ELAPOR2: variants seen among roughly 807,000 people sequenced by gnomAD.
The protein encoded by ELAPOR2 is endosome/lysosome-associated apoptosis and autophagy regulator family member 2.
In ELAPOR2, 89 loss-of-function variants were observed where a neutral mutation model predicts 120.7. That is an observed-to-expected ratio of 0.74 (90% CI 0.62 to 0.88). The LOEUF is 0.88. Among genes scored for constraint, ELAPOR2 ranks in the 40% least tolerant of loss-of-function variants. The pLI is 0.00. For synonymous variants in ELAPOR2, 444 were observed against 444.9 expected, an observed-to-expected ratio of 1.00 and a Z score of 0.03; for missense variants, 1,134 against 1,251.6, an observed-to-expected ratio of 0.91 and a Z score of 1.42.
intron 1 of ELAPOR2, among the ~76,000 whole-genome samples, chr7:86,974,030 T>C (rs897045907): frequency 6.6e-6 from 1 of 151,996 alleles, no homozygotes; most frequent in Non-Finnish European, 1.5e-5. Flanking sequence ...CGTAACTGGG[T>C]AATAGTAATT....
rs371015486 is a variant in ELAPOR2, at chr7:86,926,854, A to G, written c.1152T>C (p.Ile384=). Residue 384 remains isoleucine (I), a synonymous_variant, in exon 9 of 22, where the codon ATT becomes ATC. Transcript: ENST00000450689. ...KICREDLTDA[I]RLPPSGEKKD... Reference sequence around the variant, plus strand: ...TCTTCTCTCCAGAAGGGGGCAATCTAATAGCATCTGTGAGATCCTCCCGGC... The same window carrying G: ...TCTTCTCTCCAGAAGGGGGCAATCTGATAGCATCTGTGAGATCCTCCCGGC... 2.1e-4 allele frequency: 338 copies of G among 1,608,714 alleles called. 1 individual carries two copies. The Admixed American group carries it at 5.6e-3, about 27-fold the overall frequency.
At chr7:86,891,147 G>C (rs753349477) in intron 21 of ELAPOR2, 11 of 151,844 alleles carry the variant, frequency 7.2e-5, no homozygotes, top group Non-Finnish European at 1.3e-4. Context: ...TATAACTTTT[G>C]TTTGCTCTAT....
At chr7:86,960,868 T>C (rs866958771) in intron 2 of ELAPOR2, among the ~76,000 whole-genome samples, 2 of 152,064 alleles carry the variant, frequency 1.3e-5, no homozygotes, top group African/African-American at 4.8e-5. Flanking sequence ...GTTATACCAA[T>C]AGATTTGAGA....
rs566000366 is a variant in ELAPOR2, at chr7:86,924,509, C to A, written c.1399+1019G>T. ...CTCAATTTAAAATTCAATTATAGGA[C>A]ATTTTAGGAAAAAAAAAACCTTCAG... is the stretch of plus-strand genomic sequence containing the variant. On this transcript the variant is annotated intron_variant, in intron 10 of 21. Transcript: ENST00000450689. Among the ~76,000 whole-genome samples the A allele has an allele frequency of 6.6e-4, 99 of 151,030 alleles. No individual in the cohort carries two copies. In the Middle Eastern group the frequency reaches 0.02, roughly 31 times the overall value.
chr7:86,939,980 T>C, intron 6 of ELAPOR2, 30 bp downstream of exon 6: 2 of 1,352,602 alleles, frequency 1.5e-6, no homozygotes, highest in African/African-American at 1.5e-5. Context: ...ATGTGACTGG[T>C]GACTACTAAA....
At chr7:86,941,403 G>A (rs1394692327) in intron 5 of ELAPOR2, 1 of 524,614 alleles carries the variant, frequency 1.9e-6, no homozygotes, top group East Asian at 5.5e-5. Flanking sequence ...GAAGCAGGCA[G>A]TTACTTTACT....
At chr7:86,946,517 C>T (rs554337336) in intron 3 of ELAPOR2, among the ~76,000 whole-genome samples, 2 of 152,166 alleles carry the variant, frequency 1.3e-5, no homozygotes, top group East Asian at 3.9e-4. Flanking sequence ...CTCCAGAGTA[C>T]CTGGGATTAC....
intron 1 of ELAPOR2, among the ~76,000 whole-genome samples, chr7:87,048,103 G>A (rs888765046): frequency 4.6e-5 from 7 of 152,122 alleles, no homozygotes; most frequent in African/African-American, 1.7e-4. Flanking sequence ...AATTAGCTGG[G>A]CATGGTGGTG....
intron 1 of ELAPOR2, among the ~76,000 whole-genome samples, chr7:87,035,386 CT>C (rs1314428551): frequency 6.6e-6 from 1 of 152,312 alleles, no homozygotes; most frequent in Admixed American, 6.5e-5. Flanking sequence ...ATTCTGCATC[CT>C]TTTGTCTACT....
At chr7:87,019,584 A>G (rs75274893) in intron 1 of ELAPOR2, among the ~76,000 whole-genome samples, 4,810 of 152,328 alleles carry the variant, frequency 0.032, 91 homozygotes, top group African/African-American at 0.038. Context: ...ATATAAATAG[A>G]AATTTTAAAA....
At chr7:86,976,899 A>C (rs1792301004) in intron 1 of ELAPOR2, among the ~76,000 whole-genome samples, 1 of 152,244 alleles carries the variant, frequency 6.6e-6, no homozygotes, top group Non-Finnish European at 1.5e-5. Context: ...ATCTATTACA[A>C]CCATCATGCA....
chr7:86,908,827 C>T (rs567716214), intron 16 of ELAPOR2, among the ~76,000 whole-genome samples: 5 of 152,132 alleles, frequency 3.3e-5, no homozygotes, highest in South Asian at 2.1e-4. Flanking sequence ...CGATAATCTA[C>T]GAAGTTCGTT....
chr7:86,973,114 T>G (rs1792159173), intron 1 of ELAPOR2, among the ~76,000 whole-genome samples: 1 of 152,198 alleles, frequency 6.6e-6, no homozygotes, highest in African/African-American at 2.4e-5. Context: ...TTGCTTCTGC[T>G]CTTGCCCACA....
chr7:86,978,316 C>A (rs2116540060), intron 1 of ELAPOR2, among the ~76,000 whole-genome samples: 1 of 152,236 alleles, frequency 6.6e-6, no homozygotes, highest in East Asian at 1.9e-4. Flanking sequence ...TATAAATTAC[C>A]CAGTCTCAGA....
chr7:87,042,591 T>C (rs1794821364), intron 1 of ELAPOR2, among the ~76,000 whole-genome samples: 1 of 151,762 alleles, frequency 6.6e-6, no homozygotes, highest in Non-Finnish European at 1.5e-5. Context: ...TACCAGAATC[T>C]CTGGGATGCA....
Position 86,942,124 on chromosome 7 carries a change from G to A in ELAPOR2, c.655-20C>T, listed in dbSNP as rs1465450932. On this transcript the variant is annotated intron_variant, in intron 4 of 21. Transcript: ENST00000450689. ...TTGAATCTGTGGATTAAACACAAGA[G>A]CCCTAGTAAAGTGTCTTGAATAACA... is the stretch of plus-strand genomic sequence containing the variant. 1.4e-6 allele frequency: 2 copies of A among 1,438,500 alleles called. No homozygotes were observed. The highest frequency in any genetic ancestry group is 1.4e-5 in the African/African-American group (1 of 70,816). The allele number at this position is 1,438,500 out of a possible 1,614,324, so 89.1% of individuals were successfully genotyped here.
At chr7:86,894,578 A>G in intron 19 of ELAPOR2, among the ~76,000 whole-genome samples, 1 of 152,110 alleles carries the variant, frequency 6.6e-6, no homozygotes, top group East Asian at 1.9e-4. Flanking sequence ...GCAAACCAAG[A>G]ATGCTTAACT....
chr7:86,976,658 T>A (rs1792293294), intron 1 of ELAPOR2, among the ~76,000 whole-genome samples: 1 of 152,132 alleles, frequency 6.6e-6, no homozygotes, highest in South Asian at 2.1e-4. Context: ...AAACATGTGG[T>A]CTGAACCTAA....
At chr7:86,913,598 G>A (rs1162910359) in intron 13 of ELAPOR2, among the ~76,000 whole-genome samples, 2 of 152,138 alleles carry the variant, frequency 1.3e-5, no homozygotes, top group Admixed American at 6.5e-5. Flanking sequence ...TTGAAAGTGC[G>A]GCAGGGTAGA....
Sources: gnomAD v4.1 joint callset for allele counts (sites outside exome capture counted in the v4.1 genomes callset) on GRCh38, gnomAD v4.1.1 for gene constraint, MANE v1.5 for transcripts, NCBI Gene and HGNC (gene_info 2026-07-23, HGNC 2026-07-21) for gene names.